Variants in ST6GALNAC3 observed in about 807,000 individuals in gnomAD.
ST6GALNAC3 encodes ST6 N-acetylgalactosaminide alpha-2,6-sialyltransferase 3.
Under a neutral mutation model 32.7 loss-of-function variants are expected in ST6GALNAC3, and 25 were observed. The observed-to-expected ratio is 0.76, with a 90% CI of 0.56 to 1.07. The LOEUF is 1.07. ST6GALNAC3 is among the 50% of genes least tolerant of loss of function. ST6GALNAC3 has a pLI of 0.00. For missense variants in ST6GALNAC3, 355 were observed against 382.4 expected (o/e 0.93, Z 0.60); for synonymous variants, 129 against 133.1 (o/e 0.97, Z 0.21).
intron 2 of ST6GALNAC3, among the ~76,000 whole-genome samples, chr1:76,335,385 C>T (rs1647378843): frequency 6.6e-6 from 1 of 151,986 alleles, no homozygotes; most frequent in South Asian, 2.1e-4. Flanking sequence ...GCTTAGGGTC[C>T]AAGGTAGTAA....
At chr1:76,268,820 G>A (rs1255941369) in intron 1 of ST6GALNAC3, among the ~76,000 whole-genome samples, 1 of 152,030 alleles carries the variant, frequency 6.6e-6, no homozygotes, top group East Asian at 1.9e-4. Context: ...TAACCACGAT[G>A]TACCCACCTT....
intron 3 of ST6GALNAC3, among the ~76,000 whole-genome samples, chr1:76,484,396 G>C (rs572380046): frequency 5.9e-5 from 9 of 151,860 alleles, no homozygotes; most frequent in Non-Finnish European, 1.2e-4. Context: ...CTTTTATTTC[G>C]TTGAGCAGTG....
chr1:76,447,260 T>A (rs191302908), intron 3 of ST6GALNAC3, among the ~76,000 whole-genome samples: 1 of 152,138 alleles, frequency 6.6e-6, no homozygotes, highest in Non-Finnish European at 1.5e-5. Flanking sequence ...TCCTAGAAAT[T>A]TGTGGAACTT....
chr1:76,609,036 G>T (rs1471972069), intron 3 of ST6GALNAC3, among the ~76,000 whole-genome samples: 2 of 152,082 alleles, frequency 1.3e-5, no homozygotes, highest in Admixed American at 1.3e-4. Context: ...GGTTATAAGA[G>T]AAAATTATTA....
At chr1:76,420,287 A>G (rs1289020667) in intron 3 of ST6GALNAC3, among the ~76,000 whole-genome samples, 4 of 152,044 alleles carry the variant, frequency 2.6e-5, no homozygotes, top group Non-Finnish European at 5.9e-5. Flanking sequence ...TCTTGAACCA[A>G]ATAAATACAC....
intron 3 of ST6GALNAC3, among the ~76,000 whole-genome samples, chr1:76,445,921 C>T (rs1656937245): frequency 6.6e-6 from 1 of 152,164 alleles, no homozygotes. Flanking sequence ...ACATATACTT[C>T]TGTGCCGTTT....
At chr1:76,536,496 A>G (rs1335508985) in intron 3 of ST6GALNAC3, among the ~76,000 whole-genome samples, 1 of 152,040 alleles carries the variant, frequency 6.6e-6, no homozygotes, top group Non-Finnish European at 1.5e-5. Flanking sequence ...AACTCACTCA[A>G]CATCATGAGA....
intron 1 of ST6GALNAC3, among the ~76,000 whole-genome samples, chr1:76,280,137 TC>T (rs1272512555): frequency 2.6e-5 from 4 of 152,190 alleles, no homozygotes; most frequent in African/African-American, 7.2e-5. Flanking sequence ...TTCTCCCTGT[TC>T]TGTCCTCTCT....
At chr1:76,088,338 C>T (rs919016562) in intron 1 of ST6GALNAC3, among the ~76,000 whole-genome samples, 37 of 152,276 alleles carry the variant, frequency 2.4e-4, no homozygotes, top group African/African-American at 8.7e-4. Flanking sequence ...ATTCCAGTAA[C>T]AAATTAACCT....
intron 1 of ST6GALNAC3, among the ~76,000 whole-genome samples, chr1:76,099,617 A>G (rs1557612299): frequency 6.6e-6 from 1 of 152,178 alleles, no homozygotes; most frequent in Non-Finnish European, 1.5e-5. Flanking sequence ...ACGTTTATAA[A>G]AGCCCCAACT....
chr1:76,091,083 TA>T (rs1362966911), intron 1 of ST6GALNAC3, among the ~76,000 whole-genome samples: 9 of 152,314 alleles, frequency 5.9e-5, no homozygotes, highest in African/African-American at 2.2e-4. Context: ...TTGTGTGTCA[TA>T]TTTAAGGCAC....
chr1:76,316,070 A>G (rs981487892), intron 2 of ST6GALNAC3, among the ~76,000 whole-genome samples: 2 of 151,880 alleles, frequency 1.3e-5, no homozygotes, highest in African/African-American at 4.8e-5. Context: ...AAAATCACAA[A>G]GAGATACTAA....
chr1:76,101,871 A>G (rs1003123312), intron 1 of ST6GALNAC3, among the ~76,000 whole-genome samples: 1 of 152,162 alleles, frequency 6.6e-6, no homozygotes, highest in Non-Finnish European at 1.5e-5. Context: ...AGTGCTTGAA[A>G]TGTGTTGAGA....
At chr1:76,489,196 G>C (rs2101685127) in intron 3 of ST6GALNAC3, among the ~76,000 whole-genome samples, 1 of 152,204 alleles carries the variant, frequency 6.6e-6, no homozygotes, top group East Asian at 1.9e-4. Flanking sequence ...CAAGATTGCA[G>C]GTATTTGAGT....
At chr1:76,146,242 A>T (rs1415727782) in intron 1 of ST6GALNAC3, among the ~76,000 whole-genome samples, 1 of 152,200 alleles carries the variant, frequency 6.6e-6, no homozygotes, top group Non-Finnish European at 1.5e-5. Context: ...GTCCTTCTCT[A>T]TCCCTTCAGG....
At chr1:76,611,481 T>C (rs1298090936) in intron 3 of ST6GALNAC3, among the ~76,000 whole-genome samples, 3 of 152,048 alleles carry the variant, frequency 2.0e-5, no homozygotes, top group African/African-American at 4.8e-5. Context: ...ACAAGAAACA[T>C]GTATAGTAGA....
In ST6GALNAC3 at chr1:76,478,803, C is replaced by G. The variant is rs374975642; in HGVS notation, c.623+66386C>G. On this transcript the variant is annotated intron_variant, in intron 3 of 4. Transcript: ENST00000328299. ...TTTGAGATGAAGTCTCACTCTGTCT[C>G]CCAGGCTGGAGTGCAGTGGCTCGAT... 1.2e-3 allele frequency among the ~76,000 whole-genome samples: 153 copies of G among 132,120 alleles called. 2 individuals carry two copies. The Middle Eastern group carries it at 0.032, about 27-fold the overall frequency. The allele number at this position is 132,120 out of a possible 152,430, so 86.7% of individuals were successfully genotyped here. A position where few individuals can be genotyped will look rare whatever the true frequency, so the allele number is the denominator to read the frequency against.
chr1:76,505,040 C>G (rs999805173), intron 3 of ST6GALNAC3, among the ~76,000 whole-genome samples: 1 of 152,032 alleles, frequency 6.6e-6, no homozygotes, highest in East Asian at 1.9e-4. Flanking sequence ...AAACAATTCT[C>G]TATTAGTTAA....
intron 3 of ST6GALNAC3, among the ~76,000 whole-genome samples, chr1:76,565,246 G>A (rs1665486311): frequency 2.0e-5 from 3 of 152,124 alleles, no homozygotes; most frequent in African/African-American, 7.2e-5. Flanking sequence ...TGCTATTGAC[G>A]TCTAGAATGC....
Sources: gnomAD v4.1 joint callset for allele counts (sites outside exome capture counted in the v4.1 genomes callset) on GRCh38, gnomAD v4.1.1 for gene constraint, MANE v1.5 for transcripts, NCBI Gene and HGNC (gene_info 2026-07-23, HGNC 2026-07-21) for gene names.